The following FKBP5 variants were observed in gnomAD, a reference collection of about 807,000 sequenced individuals.
FKBP5 encodes FKBP prolyl isomerase 5.
FKBP5 carries 23 observed loss-of-function variants against 50.5 expected under a neutral mutation model. The observed-to-expected ratio is 0.46, with a 90% CI of 0.33 to 0.65. The LOEUF (loss-of-function observed/expected upper bound fraction) is 0.65, where lower values mean the gene tolerates loss of function less well. FKBP5 is among the 30% of genes least tolerant of loss of function. The pLI, the probability that FKBP5 is intolerant of heterozygous loss-of-function variation, is 0.02. For missense variants in FKBP5, 411 were observed against 553.1 expected (o/e 0.74, Z 2.58); for synonymous variants, 176 against 190.6 (o/e 0.92, Z 0.63).
intron 2 of FKBP5, among the ~76,000 whole-genome samples, chr6:35,714,312 C>G (rs1307381373): frequency 7.9e-6 from 1 of 127,202 alleles, no homozygotes; most frequent in Non-Finnish European, 1.6e-5. Context: ...ATTAGCCGGG[C>G]GTGGTGGCAT....
At chr6:35,597,140 C>T (rs112917942) in intron 6 of FKBP5, 108 bp downstream of exon 6, 14,093 of 1,182,518 alleles carry the variant, frequency 0.012, 129 homozygotes, top group East Asian at 0.032. Flanking sequence ...TAATTGTTTC[C>T]GTTGTTGGAT....
At chr6:35,682,152 T>C (rs1237957749) in intron 1 of FKBP5, among the ~76,000 whole-genome samples, 4 of 147,396 alleles carry the variant, frequency 2.7e-5, no homozygotes, top group African/African-American at 1.1e-4. Context: ...ATCCACTAGG[T>C]AATAATTTTT....
intron 2 of FKBP5, among the ~76,000 whole-genome samples, chr6:35,638,665 G>A (rs902264985): frequency 3.3e-5 from 5 of 151,882 alleles, no homozygotes; most frequent in Admixed American, 6.6e-5. Context: ...TGATTCTCCC[G>A]CCTCAGCCTC....
intron 5 of FKBP5, among the ~76,000 whole-genome samples, chr6:35,614,324 G>C (rs1021767008): frequency 1.3e-5 from 2 of 152,164 alleles, no homozygotes; most frequent in Non-Finnish European, 2.9e-5. Flanking sequence ...AGTGGGAACA[G>C]GTTAATAAGG....
chr6:35,676,090 G>C (rs1451006408), intron 1 of FKBP5, among the ~76,000 whole-genome samples: 1 of 152,082 alleles, frequency 6.6e-6, no homozygotes, highest in East Asian at 1.9e-4. Flanking sequence ...GCAGCAGCAA[G>C]AAGAGAAAAA....
intron 1 of FKBP5, among the ~76,000 whole-genome samples, chr6:35,724,282 G>GA (rs1766662286): frequency 6.6e-6 from 1 of 152,162 alleles, no homozygotes; most frequent in Admixed American, 6.5e-5. Context: ...GGTGAAGGGT[G>GA]AGGGGCAGCA....
At position 35,702,457 on chromosome 6, in the gene FKBP5, T is replaced by A. The variant is rs1173219240; in HGVS notation, c.-20+17871A>T. On this transcript the variant is annotated intron_variant, in intron 2 of 11. Transcript: ENST00000536438. ...ATGGCATGCAAAATATAAACTTTGA[T>A]TTTTTTTTTTTTTGAGACGGAGTCT... Among the ~76,000 whole-genome samples the A allele has an allele frequency of 1.4e-4, 20 of 143,350 alleles. No individual in the cohort carries two copies. In the Admixed American group the frequency reaches 1.4e-3, roughly 10 times the overall value. The allele number at this position is 143,350 out of a possible 152,430, so 94.0% of individuals were successfully genotyped here.
At chr6:35,637,492 CT>C (rs1764349842) in intron 2 of FKBP5, among the ~76,000 whole-genome samples, 1 of 105,688 alleles carries the variant, frequency 9.5e-6, no homozygotes, top group Non-Finnish European at 1.7e-5. Flanking sequence ...GAGACGGAGT[CT>C]TGCCCTGTCG....
At chr6:35,705,001 C>A (rs768535762) in intron 2 of FKBP5, among the ~76,000 whole-genome samples, 2 of 150,504 alleles carry the variant, frequency 1.3e-5, no homozygotes, top group Non-Finnish European at 3.0e-5. Flanking sequence ...ATTAGCCGGG[C>A]GTGGTGGCAG....
chr6:35,710,563 T>C (rs1581900107), intron 2 of FKBP5, among the ~76,000 whole-genome samples: 1 of 152,180 alleles, frequency 6.6e-6, no homozygotes, highest in African/African-American at 2.4e-5. Context: ...GGTGAGAACA[T>C]ACAGTCACTT....
At chr6:35,596,285 T>C (rs1266213767) in intron 6 of FKBP5, among the ~76,000 whole-genome samples, 2 of 151,770 alleles carry the variant, frequency 1.3e-5, no homozygotes, top group Non-Finnish European at 2.9e-5. Context: ...AACCCAGAGG[T>C]AGAGGTTGCA....
intron 1 of FKBP5, among the ~76,000 whole-genome samples, chr6:35,676,303 T>C (rs1259017205): frequency 6.6e-6 from 1 of 152,200 alleles, no homozygotes; most frequent in Non-Finnish European, 1.5e-5. Context: ...AACAGAAAAG[T>C]ATGTATGAGA....
intron 2 of FKBP5, among the ~76,000 whole-genome samples, chr6:35,700,823 G>A (rs1240026607): frequency 2.0e-5 from 3 of 152,054 alleles, no homozygotes; most frequent in Non-Finnish European, 4.4e-5. Flanking sequence ...GCCGGGCATG[G>A]TGGTGCACAC....
In FKBP5 at chr6:35,637,097, T is replaced by C. The variant is rs559413331; in HGVS notation, c.167A>G (p.His56Arg). ...TCCATTTGACAATTTTCCTTTGTAA[T>C]GGACATAAACTTTGTCTCCAATCAT... is the stretch of plus-strand genomic sequence containing the variant. ...TPMIGDKVYVHYKGKLSNGKK... is the reference protein window; with the variant it reads ...TPMIGDKVYVRYKGKLSNGKK... The change falls in exon 3 of 11, where the codon CAT becomes CGT. Residue 56 changes from histidine (H) to arginine (R), a missense_variant. By Grantham distance (29) the His-to-Arg change is conservative. Around this residue, in one of 3 missense-constraint regions of FKBP5, gnomAD observed 267 missense variants for 405.9 expected, o/e 0.66. Coordinates refer to ENST00000357266, the MANE Select transcript of FKBP5 (RefSeq NM_004117.4). The C allele has an allele frequency of 3.7e-6, 6 of 1,611,820 alleles. No individual in the cohort carries two copies. The African/African-American group carries it at 5.3e-5, about 14-fold the overall frequency.
intron 6 of FKBP5, among the ~76,000 whole-genome samples, chr6:35,594,239 A>G (rs1286968932): frequency 6.6e-6 from 1 of 151,984 alleles, no homozygotes. Flanking sequence ...CTGTAGTCCC[A>G]GCTACCCAGG....
upstream of FKBP5, among the ~76,000 whole-genome samples, chr6:35,692,090 A>T (rs1765998603): frequency 6.6e-6 from 1 of 152,278 alleles, no homozygotes. Context: ...TTTTAAAAGC[A>T]CTTCGCATTC....
At chr6:35,657,139 C>A (rs1183216080) in intron 1 of FKBP5, among the ~76,000 whole-genome samples, 2 of 151,876 alleles carry the variant, frequency 1.3e-5, no homozygotes. Flanking sequence ...GGCGTGAACC[C>A]GGGAGGCGGA....
intron 5 of FKBP5, among the ~76,000 whole-genome samples, chr6:35,600,829 G>T (rs1470467702): frequency 6.6e-6 from 1 of 152,164 alleles, no homozygotes; most frequent in Non-Finnish European, 1.5e-5. Flanking sequence ...TAGTTTCCTA[G>T]GCTGTTTTTC....
chr6:35,674,560 A>G (rs922216702), intron 1 of FKBP5, among the ~76,000 whole-genome samples: 2 of 152,238 alleles, frequency 1.3e-5, no homozygotes, highest in African/African-American at 2.4e-5. Context: ...TTATCACTCA[A>G]TGTTCTATCT....
Sources: allele counts gnomAD v4.1 joint callset (sites outside exome capture counted in the v4.1 genomes callset), GRCh38; gene constraint gnomAD v4.1.1; regional missense constraint gnomAD v4.1.1; transcripts MANE v1.5; gene names NCBI Gene and HGNC (gene_info 2026-07-23, HGNC 2026-07-21).